The following ATP2A2 variants were observed in gnomAD, a reference collection of about 807,000 sequenced individuals.
The protein encoded by ATP2A2 is sarcoplasmic/endoplasmic reticulum calcium ATPase 2.
Under a neutral mutation model 109.3 loss-of-function variants are expected in ATP2A2, and 14 were observed. The ratio of observed to expected loss-of-function variants is 0.13; its 90% CI spans 0.08 to 0.20. The LOEUF (loss-of-function observed/expected upper bound fraction) is 0.20. ATP2A2 is among the 10% of genes least tolerant of loss of function. ATP2A2 has a pLI of 1.00. For synonymous variants in ATP2A2, 506 were observed against 490.9 expected (o/e 1.03, Z -0.41); for missense variants, 657 against 1,321.6 (o/e 0.50, Z 7.80).
rs1020855281 is a variant in ATP2A2 at position 110,347,516 on chromosome 12, T to G, written c.*1046T>G. ...CACTAATTGTCATCTGTGATGTACA[T>G]TTTATGCAAGTTTCTGCTGGCCTGG... On this transcript the variant is annotated 3_prime_UTR_variant, in exon 20 of 20. Transcript: ENST00000539276. The G allele has an allele frequency of 4.7e-6, 6 of 1,288,770 alleles. No individual in the cohort carries two copies. In the African/African-American group the frequency reaches 9.1e-5, roughly 20 times the overall value. 79.8% of individuals were successfully genotyped at this position (1,288,770 alleles called of 1,614,324 possible).
intron 11 of ATP2A2, among the ~76,000 whole-genome samples, chr12:110,336,162 T>A (rs1360650496): frequency 6.6e-6 from 1 of 152,198 alleles, no homozygotes; most frequent in East Asian, 1.9e-4. Flanking sequence ...GTCATCACCA[T>A]GGGGCTGCCA....
intron 4 of ATP2A2, among the ~76,000 whole-genome samples, chr12:110,293,385 T>TTGTTTG (rs1555276964): frequency 1.2e-4 from 14 of 114,358 alleles, no homozygotes; most frequent in African/African-American, 5.4e-4. Flanking sequence ...TTTTTTTTTT[T>TTGTTTG]TTTGTTTGTT....
Position 110,339,156 on chromosome 12 carries a change from A to C in ATP2A2, c.1420-125A>C, listed in dbSNP as rs1879120649. 1.5e-6 allele frequency: 2 copies of C among 1,367,840 alleles called. No individual in the cohort carries two copies. The highest frequency in any genetic ancestry group is 4.7e-5 in the East Asian group (2 of 42,618). 84.7% of individuals were successfully genotyped at this position (1,367,840 alleles called of 1,614,324 possible). On this transcript the variant is annotated intron_variant, in intron 11 of 19. Transcript: ENST00000539276. This position sits in a 1 kb window ranked among gnomAD's most constrained non-coding sequence, Gnocchi z 4.4. ...GGGGACAAGTTTCATGAGGGCAAAA[A>C]CCTGTCTGTTTTGTTTATTGCTATA...
chr12:110,296,988 A>G (rs777997119), intron 5 of ATP2A2, among the ~76,000 whole-genome samples: 5 of 152,198 alleles, frequency 3.3e-5, no homozygotes, highest in African/African-American at 1.2e-4. Flanking sequence ...GTTTAAATAC[A>G]TTGTAGAACA....
intron 5 of ATP2A2, among the ~76,000 whole-genome samples, chr12:110,303,093 G>C (rs1874856581): frequency 6.6e-6 from 1 of 152,200 alleles, no homozygotes; most frequent in Non-Finnish European, 1.5e-5. Flanking sequence ...CTGTCATATT[G>C]ACTGTTGTAA....
intron 4 of ATP2A2, among the ~76,000 whole-genome samples, chr12:110,294,245 G>A (rs1439508831): frequency 2.0e-5 from 3 of 152,072 alleles, no homozygotes; most frequent in Middle Eastern, 6.8e-3. Context: ...GGGTTTCACC[G>A]TGTTAGCCAG....
intron 4 of ATP2A2, among the ~76,000 whole-genome samples, chr12:110,295,243 A>G (rs922287680): frequency 6.6e-6 from 1 of 151,934 alleles, no homozygotes; most frequent in Admixed American, 6.6e-5. Flanking sequence ...GCTCACTCCA[A>G]TCTCTGCCTC....
At chr12:110,304,607 GTTAT>G (rs1212258663) in intron 5 of ATP2A2, among the ~76,000 whole-genome samples, 2 of 152,088 alleles carry the variant, frequency 1.3e-5, no homozygotes, top group Admixed American at 6.6e-5. Flanking sequence ...TTTAAATTAG[GTTAT>G]TTGTCTTTTT....
Position 110,282,546 on chromosome 12 carries a change from C to CT in ATP2A2, c.119-47dup, listed in dbSNP as rs372941910. On this transcript the variant is annotated intron_variant, in intron 1 of 19. Transcript: ENST00000539276. ...AAACGAAGTGCTAAAATGTCTCTCT[C>CT]TTTTTTTTTTTAACCTCCCTCTTGA... 4,991 of 1,290,560 alleles carry CT rather than the reference C, an allele frequency of 3.9e-3. 1 individual carries two copies. The highest frequency in any genetic ancestry group is 4.6e-3 in the Non-Finnish European group (4,179 of 915,730). 79.9% of individuals were successfully genotyped at this position (1,290,560 alleles called of 1,614,324 possible).
chr12:110,282,330 C>T (rs1419949185), intron 1 of ATP2A2, among the ~76,000 whole-genome samples: 1 of 152,190 alleles, frequency 6.6e-6, no homozygotes, highest in Non-Finnish European at 1.5e-5. Flanking sequence ...TCGCTGAAAC[C>T]ACTCCTAGGT....
chr12:110,312,708 G>A (rs532319785), intron 5 of ATP2A2, among the ~76,000 whole-genome samples: 7 of 151,942 alleles, frequency 4.6e-5, no homozygotes, highest in African/African-American at 1.7e-4. Flanking sequence ...AAATTACCCG[G>A]GTGTGGTGGT....
intron 5 of ATP2A2, among the ~76,000 whole-genome samples, chr12:110,304,281 T>A (rs966146357): frequency 2.6e-5 from 4 of 152,194 alleles, no homozygotes; most frequent in African/African-American, 9.6e-5. Flanking sequence ...AACATAACAT[T>A]TTCTCTCTGT....
At chr12:110,291,640 C>CTTTT (rs34738611) in intron 3 of ATP2A2, among the ~76,000 whole-genome samples, 4 of 116,150 alleles carry the variant, frequency 3.4e-5, no homozygotes, top group African/African-American at 1.4e-4. Flanking sequence ...GTGCTAGCCA[C>CTTTT]TTTTTTTTTT....
intron 5 of ATP2A2, among the ~76,000 whole-genome samples, chr12:110,304,265 T>C (rs1393358885): frequency 6.6e-6 from 1 of 152,230 alleles, no homozygotes; most frequent in African/African-American, 2.4e-5. Context: ...TACTAATTTT[T>C]GTGTGAACAT....
intron 3 of ATP2A2, among the ~76,000 whole-genome samples, chr12:110,290,691 G>A (rs1029799310): frequency 2.6e-5 from 4 of 152,010 alleles, no homozygotes; most frequent in Non-Finnish European, 5.9e-5. Context: ...TGCAACCTTT[G>A]CCTCCCAGGT....
intron 11 of ATP2A2, among the ~76,000 whole-genome samples, chr12:110,334,957 GGTGGCAGTGGCA>G (rs367696834): frequency 5.3e-5 from 8 of 152,098 alleles, no homozygotes; most frequent in South Asian, 2.1e-4. Context: ...TGGTGATGGT[GGTGGCAGTGGCA>G]GTGGCAGTGG....
At chr12:110,288,266 TA>T (rs200216134) in intron 3 of ATP2A2, among the ~76,000 whole-genome samples, 3 of 151,434 alleles carry the variant, frequency 2.0e-5, no homozygotes, top group Non-Finnish European at 2.9e-5. Flanking sequence ...CCCAACTAAT[TA>T]AAAAAAAATT....
rs923039688 is a variant in ATP2A2, at chr12:110,351,074, TAAATC to T, written c.*4605_*4609del. 1.3e-5 allele frequency: 2 copies of T among 152,378 alleles called. No individual in the cohort carries two copies. The highest frequency in any genetic ancestry group is 4.8e-5 in the African/African-American group (2 of 41,460). 9.4% of individuals were successfully genotyped at this position (152,378 alleles called of 1,614,324 possible). A position where few individuals can be genotyped will look rare whatever the true frequency, so the allele number is the denominator to read the frequency against. ...TCGCACAGACATGGTTTCAGGTAAA[TAAATC>T]TATTCTATGATAAATTCTCAGTGTG... On this transcript the variant is annotated 3_prime_UTR_variant, in exon 20 of 20. Transcript: ENST00000539276.
intron 5 of ATP2A2, among the ~76,000 whole-genome samples, chr12:110,318,099 A>T (rs1262022185): frequency 2.6e-5 from 4 of 152,238 alleles, no homozygotes; most frequent in African/African-American, 9.6e-5. Context: ...GAAATGTTAC[A>T]GGATGTGATC....
Sources: gnomAD v4.1 joint callset for allele counts (sites outside exome capture counted in the v4.1 genomes callset) on GRCh38, gnomAD v4.1.1 for gene constraint, Gnocchi (gnomAD v3.1) non-coding constraint, MANE v1.5 for transcripts, NCBI Gene and HGNC (gene_info 2026-07-23, HGNC 2026-07-21) for gene names.